Variants in WSB2 observed in about 807,000 individuals in gnomAD.
The protein encoded by WSB2 is WD repeat and SOCS box containing 2, also known as WD repeat and SOCS box-containing protein 2.
WSB2 carries 12 observed loss-of-function variants against 48.8 expected under a neutral mutation model. That is an observed-to-expected ratio of 0.25 (90% confidence interval 0.16 to 0.40). WSB2 has a LOEUF of 0.40. Ranked by LOEUF, WSB2 falls within the 10% of genes least tolerant of loss-of-function variation. WSB2 has a pLI of 1.00. For missense variants in WSB2, 317 were observed against 506.2 expected, an observed-to-expected ratio of 0.63 and a Z score of 3.59; for synonymous variants, 191 against 203.1, an observed-to-expected ratio of 0.94 and a Z score of 0.51.
upstream of WSB2, chr12:118,061,950 C>G (rs1475463454): frequency 3.0e-5 from 21 of 706,960 alleles, no homozygotes; most frequent in Non-Finnish European, 4.4e-5. Flanking sequence ...ACAAGGGGGG[C>G]TACTCAATGG....
At chr12:118,048,278 G>A (rs1256576767) in intron 2 of WSB2, among the ~76,000 whole-genome samples, 1 of 150,746 alleles carries the variant, frequency 6.6e-6, no homozygotes, top group African/African-American at 2.4e-5. Flanking sequence ...CATTTCCTCA[G>A]AATACTGTTC....
chr12:118,048,198 G>T (rs901197749), intron 2 of WSB2, among the ~76,000 whole-genome samples: 2 of 151,846 alleles, frequency 1.3e-5, no homozygotes, highest in African/African-American at 4.8e-5. Flanking sequence ...CAATGTGCTG[G>T]GATTACAGGC....
intron 1 of WSB2, among the ~76,000 whole-genome samples, chr12:118,053,416 T>C (rs1034602756): frequency 4.6e-5 from 7 of 152,178 alleles, no homozygotes; most frequent in Non-Finnish European, 8.8e-5. Context: ...GATTCACAAC[T>C]AAGAAGCGTA....
At chr12:118,058,716 G>A (rs1164875734) in intron 1 of WSB2, among the ~76,000 whole-genome samples, 2 of 142,960 alleles carry the variant, frequency 1.4e-5, no homozygotes, top group Non-Finnish European at 1.5e-5. Flanking sequence ...TTTTTTTTGA[G>A]ATGGAGTTTC....
In WSB2 at chr12:118,034,574, G is replaced by T. The variant is rs1052579751; in HGVS notation, c.1053-216C>A. The T allele has an allele frequency of 3.1e-4, 163 of 529,574 alleles. 1 individual carries two copies. The highest frequency in any genetic ancestry group is 2.4e-3 in the African/African-American group (127 of 51,916). 32.8% of individuals were successfully genotyped at this position (529,574 alleles called of 1,614,324 possible). A position where few individuals can be genotyped will look rare whatever the true frequency, so the allele number is the denominator to read the frequency against. Reference sequence around the variant, plus strand: ...CTCAAGACACCTGTGATACCAAAGCGCTCTCTCTGTCTCTCTCTCGGCACA... The same window carrying T: ...CTCAAGACACCTGTGATACCAAAGCTCTCTCTCTGTCTCTCTCTCGGCACA... On this transcript the variant is annotated intron_variant, in intron 8 of 8. Coordinates refer to ENST00000315436, the MANE Select transcript of WSB2 (RefSeq NM_018639.5).
At chr12:118,049,048 C>G (rs1029866212) in intron 2 of WSB2, among the ~76,000 whole-genome samples, 2 of 152,184 alleles carry the variant, frequency 1.3e-5, no homozygotes, top group African/African-American at 4.8e-5. Context: ...AGGAAACTGA[C>G]AGATCTTCCA....
At chr12:118,044,080 T>C (rs1281107317) in intron 2 of WSB2, among the ~76,000 whole-genome samples, 1 of 151,530 alleles carries the variant, frequency 6.6e-6, no homozygotes, top group Non-Finnish European at 1.5e-5. Flanking sequence ...GACCGCACCA[T>C]TGCACTCCAG....
chr12:118,049,664 A>G (rs1365052179), intron 2 of WSB2, among the ~76,000 whole-genome samples: 2 of 152,222 alleles, frequency 1.3e-5, no homozygotes, highest in Admixed American at 1.3e-4. Context: ...CGGCCTCCCA[A>G]AGTGCTGGGA....
At chr12:118,050,402 T>A (rs1464190494) in intron 2 of WSB2, among the ~76,000 whole-genome samples, 1 of 151,658 alleles carries the variant, frequency 6.6e-6, no homozygotes, top group African/African-American at 2.4e-5. Flanking sequence ...TAATCCCAGC[T>A]ACTTGGGAGG....
rs756396366 is a variant in WSB2 at position 118,052,495 on chromosome 12, C to T, written c.14-17G>A. 1 of 1,613,434 alleles carries T rather than the reference C, an allele frequency of 6.2e-7. No individual in the cohort carries two copies. The highest frequency in any genetic ancestry group is 1.1e-5 in the South Asian group (1 of 91,052). On this transcript the variant is annotated splice_polypyrimidine_tract_variant and intron_variant, in intron 1 of 8. Transcript: ENST00000315436. ...GCGGTTCCTCTGGGGCAGGAGACAA[C>T]ATGCTTCAAACACACACCCCCTTGC...
chr12:118,053,821 T>G (rs1456844130), intron 1 of WSB2, among the ~76,000 whole-genome samples: 1 of 152,148 alleles, frequency 6.6e-6, no homozygotes, highest in African/African-American at 2.4e-5. Context: ...ACACAAGGAA[T>G]GTGGAATGTG....
intron 1 of WSB2, among the ~76,000 whole-genome samples, chr12:118,056,774 G>A (rs1381019914): frequency 6.6e-6 from 1 of 151,844 alleles, no homozygotes; most frequent in African/African-American, 2.4e-5. Flanking sequence ...AGTGGCGGGC[G>A]CCTGTAGTCG....
chr12:118,046,866 G>C (rs565517926), intron 2 of WSB2, among the ~76,000 whole-genome samples: 1 of 152,130 alleles, frequency 6.6e-6, no homozygotes, highest in Non-Finnish European at 1.5e-5. Flanking sequence ...TGAACTCCAG[G>C]GCTCGAGCAG....
At chr12:118,042,335 T>C (rs1363921365) in intron 4 of WSB2, 1 of 154,968 alleles carries the variant, frequency 6.5e-6, no homozygotes, top group Non-Finnish European at 1.4e-5. Flanking sequence ...CTGGAGAGGA[T>C]GCTACTGGCA....
At chr12:118,036,899 C>T (rs1436834359) in intron 5 of WSB2, among the ~76,000 whole-genome samples, 1 of 152,106 alleles carries the variant, frequency 6.6e-6, no homozygotes. Context: ...TAAATGTCAG[C>T]GGCCAGGCAC....
chr12:118,061,437 T>A (rs1208186883), upstream of WSB2, among the ~76,000 whole-genome samples: 1 of 143,406 alleles, frequency 7.0e-6, no homozygotes, highest in East Asian at 2.1e-4. Context: ...GCGAACGGGA[T>A]AAAACCCAGG....
rs1176372624 is a variant in WSB2 at position 118,060,950 on chromosome 12, C to T, written c.13+86G>A. Reference sequence around the variant, plus strand: ...CCAGCCCCCGCCCCACCCCGCCCAGCCCGCCCCGGGGTCGCCTCCCCCCTC... The same window carrying T: ...CCAGCCCCCGCCCCACCCCGCCCAGTCCGCCCCGGGGTCGCCTCCCCCCTC... On this transcript the variant is annotated intron_variant, in intron 1 of 8. Coordinates refer to ENST00000315436, the MANE Select transcript of WSB2 (RefSeq NM_018639.5). This position sits in a 1 kb window ranked among gnomAD's most constrained non-coding sequence, Gnocchi z 4.1. 9.7e-5 allele frequency: 60 copies of T among 617,428 alleles called. No homozygotes were observed. In the South Asian group the frequency reaches 3.4e-3, roughly 35 times the overall value. 38.2% of individuals were successfully genotyped at this position (617,428 alleles called of 1,614,324 possible).
intron 8 of WSB2, 33 bp from the exon 9 acceptor site, chr12:118,034,391 A>T (rs746582948): frequency 5.0e-6 from 8 of 1,604,580 alleles, no homozygotes; most frequent in Non-Finnish European, 6.8e-6. Context: ...GCTAAGACAG[A>T]GCTTGGATGT....
At chr12:118,037,419 C>T (rs145960461) in intron 5 of WSB2, among the ~76,000 whole-genome samples, 1 of 152,172 alleles carries the variant, frequency 6.6e-6, no homozygotes, top group South Asian at 2.1e-4. Context: ...GCAATCCCAG[C>T]ACTTTGGGAG....
Sources: gnomAD v4.1 joint callset for allele counts (sites outside exome capture counted in the v4.1 genomes callset) on GRCh38, gnomAD v4.1.1 for gene constraint, Gnocchi (gnomAD v3.1) non-coding constraint, MANE v1.5 for transcripts, NCBI Gene and HGNC (gene_info 2026-07-23, HGNC 2026-07-21) for gene names.